GLDC: variants seen among roughly 807,000 people sequenced by gnomAD.
GLDC encodes the protein glycine decarboxylase.
GLDC carries 104 observed loss-of-function variants against 121.3 expected under a neutral mutation model. That is an observed-to-expected ratio of 0.86 (90% CI 0.73 to 1.01). The LOEUF (loss-of-function observed/expected upper bound fraction) is 1.01. Among genes scored for constraint, GLDC ranks in the 50% least tolerant of loss-of-function variants. The pLI is 0.00. For missense variants in GLDC, 1,429 were observed against 1,306.6 expected (o/e 1.09, Z -1.44); for synonymous variants, 546 against 480.6 (o/e 1.14, Z -1.78).
chr9:6,550,915 C>T lies in GLDC; in HGVS notation c.2458-1G>A. ...GTTTAAGACCCTTGCCTCCCATCAT[C>T]TGCAACAAAGGGAAAAAGAGCCATT... On this transcript the variant is annotated splice_acceptor_variant, in intron 20 of 24. Coordinates refer to ENST00000321612, the MANE Select transcript of GLDC (RefSeq NM_000170.3). LOFTEE classifies it high-confidence loss of function. The T allele has an allele frequency of 1.3e-6, 2 of 1,595,600 alleles. No individual in the cohort carries two copies. The highest frequency in any genetic ancestry group is 1.7e-6 in the Non-Finnish European group (2 of 1,163,196).
At chr9:6,538,693 C>T (rs1387783424) in intron 22 of GLDC, among the ~76,000 whole-genome samples, 1 of 152,174 alleles carries the variant, frequency 6.6e-6, no homozygotes, top group Non-Finnish European at 1.5e-5. Flanking sequence ...GTGGTGACTT[C>T]AGTTACCACC....
At chr9:6,592,715 T>A in intron 10 of GLDC, 136 bp downstream of exon 10, 1 of 777,934 alleles carries the variant, frequency 1.3e-6, no homozygotes. Flanking sequence ...ATAATGTAAA[T>A]AACACTTGTT....
Position 6,558,615 on chromosome 9 carries a change from G to A in GLDC, c.1996C>T (p.Gln666Ter), listed in dbSNP as rs386833537. The A allele has an allele frequency of 6.2e-7, 1 of 1,613,920 alleles. No homozygotes were observed. The highest frequency in any genetic ancestry group is 8.5e-7 in the Non-Finnish European group (1 of 1,179,756). Reference protein sequence around the residue: ...ASAHMAGMKIQPVEVDKYGNI... With the variant: ...ASAHMAGMKI ...CCATATTTATCCACCTCCACAGGCT[G>A]AATCTTCATGCCTGCCATGTGGGCA... is the stretch of plus-strand genomic sequence containing the variant. Residue 666 changes from glutamine (Q) to a stop codon, truncating the protein, a stop_gained, in exon 17 of 25, where the codon CAG (glutamine) becomes TAG (stop). Transcript: ENST00000321612. LOFTEE classifies it high-confidence loss of function.
rs574132619 is a variant in GLDC at position 6,589,617 on chromosome 9, A to G, written c.1483-325T>C. On this transcript the variant is annotated intron_variant, in intron 11 of 24. Transcript: ENST00000321612. ...TGATTTTTGTATTTTTCTAGAGACG[A>G]TGTTTCACCATGCCGCCCAGGCTGG... Among the ~76,000 whole-genome samples, 5 of 152,090 alleles carry G rather than the reference A, an allele frequency of 3.3e-5. 1 individual carries two copies. In the South Asian group the frequency reaches 8.3e-4, roughly 25 times the overall value.
chr9:6,585,523 A>G (rs2150915), intron 15 of GLDC, among the ~76,000 whole-genome samples: 81,484 of 151,854 alleles, frequency 0.54, 22,358 homozygotes, highest in African/African-American at 0.58. Flanking sequence ...AGAGCACTGT[A>G]TCCTTTCATT....
In GLDC at chr9:6,598,369, A is replaced by G. The variant is rs1818532265; in HGVS notation, c.1156-3250T>C. ...TTTAGAATGGGGCCTGCTGAGCCAG[A>G]ATAGGCTCAGAGAGACTCCCTATAG... On this transcript the variant is annotated intron_variant, in intron 8 of 24. Coordinates refer to ENST00000321612, the MANE Select transcript of GLDC (RefSeq NM_000170.3). Among the ~76,000 whole-genome samples, 5 of 152,316 alleles carry G rather than the reference A, an allele frequency of 3.3e-5. No individual in the cohort carries two copies. The South Asian group carries it at 1.0e-3, about 32-fold the overall frequency.
At chr9:6,578,286 A>G (rs1818111451) in intron 15 of GLDC, among the ~76,000 whole-genome samples, 1 of 151,626 alleles carries the variant, frequency 6.6e-6, no homozygotes, top group Admixed American at 6.6e-5. Context: ...CACCTGGCTA[A>G]TTTTTTAATT....
intron 7 of GLDC, among the ~76,000 whole-genome samples, chr9:6,603,073 CA>C (rs1235722998): frequency 6.6e-6 from 1 of 151,588 alleles, no homozygotes; most frequent in African/African-American, 2.4e-5. Context: ...ACTAAAAATA[CA>C]AAAATTAGCC....
chr9:6,609,209 C>T (rs1391004872), intron 4 of GLDC, among the ~76,000 whole-genome samples: 1 of 152,178 alleles, frequency 6.6e-6, no homozygotes, highest in African/African-American at 2.4e-5. Flanking sequence ...GGAGAACCAT[C>T]CTGATTCAGT....
At chr9:6,605,009 T>C in intron 6 of GLDC, 122 bp downstream of exon 6, 1 of 1,088,374 alleles carries the variant, frequency 9.2e-7, no homozygotes, top group Non-Finnish European at 1.4e-6. Flanking sequence ...AGGAGAGTTT[T>C]ACCATTCCAT....
chr9:6,580,219 C>A lies in GLDC; in HGVS notation c.1850+6922G>T, dbSNP rs554057762. 2.0e-5 allele frequency among the ~76,000 whole-genome samples: 3 copies of A among 152,352 alleles called. No homozygotes were observed. The South Asian group carries it at 6.2e-4, about 32-fold the overall frequency. The stretch of plus-strand genomic sequence containing the variant: ...AACTCTTACCCTCACCCTAGGGCTC[C>A]TTGACTCTTGCAGGCTCTCTGCTTC... On this transcript the variant is annotated intron_variant, in intron 15 of 24. Coordinates refer to ENST00000321612, the MANE Select transcript of GLDC (RefSeq NM_000170.3).
intron 6 of GLDC, 115 bp from the exon 7 acceptor site, chr9:6,604,899 G>A (rs1029558625): frequency 5.4e-6 from 5 of 933,396 alleles, no homozygotes; most frequent in Non-Finnish European, 8.7e-6. Context: ...CACATCCTGT[G>A]AACTCCATTG....
In GLDC at chr9:6,561,761, G is replaced by A. The variant is rs184427368; in HGVS notation, c.1927-3077C>T. On this transcript the variant is annotated intron_variant, in intron 16 of 24. Transcript: ENST00000321612. Reference sequence around the variant, plus strand: ...TTTGGTGCATTGATGCCCATTTAGGGGGTGCTATGTTTTCTCAACTCCCCA... The same window carrying A: ...TTTGGTGCATTGATGCCCATTTAGGAGGTGCTATGTTTTCTCAACTCCCCA... Among the ~76,000 whole-genome samples the A allele has an allele frequency of 2.6e-5, 4 of 152,272 alleles. No homozygotes were observed. In the East Asian group the frequency reaches 7.7e-4, roughly 29 times the overall value.
In GLDC at chr9:6,620,297, A is replaced by T; in HGVS notation, c.357T>A (p.Thr119=). ...DPVCENEILA[T]LHAISSKNQI... is the part of the protein sequence containing the mutation. ...GGTTTTTGCTTGAAATGGCATGCAG[A>T]GTTGCAAGGATTTCATTTTCACCTA... Residue 119 remains threonine, a synonymous_variant, in exon 3 of 25, where the codon ACT becomes ACA. Transcript: ENST00000321612. The T allele has an allele frequency of 6.2e-7, 1 of 1,613,712 alleles. No homozygotes were observed. Among genetic ancestry groups the T allele is most frequent in the South Asian group, 1.1e-5 (1 of 91,084 alleles).
chr9:6,627,736 T>A (rs1237338783), intron 2 of GLDC, among the ~76,000 whole-genome samples: 1 of 152,178 alleles, frequency 6.6e-6, no homozygotes, highest in Non-Finnish European at 1.5e-5. Flanking sequence ...TGTGACTTGA[T>A]GAACAGAGGG....
intron 8 of GLDC, 76 bp downstream of exon 8, chr9:6,602,033 A>AAATGAATG: frequency 1.1e-6 from 1 of 917,576 alleles, no homozygotes; most frequent in South Asian, 1.3e-5. Flanking sequence ...ATAAATGAAC[A>AAATGAATG]AATGAATGAA....
intron 3 of GLDC, among the ~76,000 whole-genome samples, chr9:6,619,573 C>A (rs907477468): frequency 1.3e-5 from 2 of 151,980 alleles, no homozygotes; most frequent in Non-Finnish European, 2.9e-5. Context: ...ACTAAAAATA[C>A]AAAAATTAGC....
intron 4 of GLDC, 115 bp downstream of exon 4, chr9:6,610,077 A>G: frequency 1.2e-6 from 1 of 816,576 alleles, no homozygotes; most frequent in South Asian, 1.6e-5. Context: ...TTTCTCTGAA[A>G]AGTCATACTC....
At chr9:6,611,555 CAA>C (rs34302796) in intron 3 of GLDC, among the ~76,000 whole-genome samples, 97 of 141,036 alleles carry the variant, frequency 6.9e-4, no homozygotes, top group South Asian at 1.5e-3. Flanking sequence ...GACTCCGTCT[CAA>C]AAAAAAAAAA....
Sources: gnomAD v4.1 joint callset for allele counts (sites outside exome capture counted in the v4.1 genomes callset) on GRCh38, gnomAD v4.1.1 for gene constraint, MANE v1.5 for transcripts, NCBI Gene and HGNC (gene_info 2026-07-23, HGNC 2026-07-21) for gene names.